GRIA4: variants seen among roughly 807,000 people sequenced by gnomAD.
GRIA4 encodes glutamate receptor 4.
A neutral mutation model predicts 104.0 loss-of-function variants in GRIA4; 34 were observed. The observed-to-expected ratio is 0.33, with a 90% confidence interval of 0.25 to 0.44. The LOEUF (loss-of-function observed/expected upper bound fraction) is 0.44, where lower values mean the gene tolerates loss of function less well. Ranked by LOEUF, GRIA4 falls within the 20% of genes least tolerant of loss-of-function variation. The pLI, the probability that GRIA4 is intolerant of heterozygous loss-of-function variation, is 1.00. For synonymous variants in GRIA4, 386 were observed against 381.9 expected, an observed-to-expected ratio of 1.01 and a Z score of -0.13; for missense variants, 750 against 1,096.5, an observed-to-expected ratio of 0.68 and a Z score of 4.46.
chr11:105,653,507 A>G (rs7114305), intron 3 of GRIA4, among the ~76,000 whole-genome samples: 78,835 of 152,048 alleles, frequency 0.52, 20,722 homozygotes, highest in Admixed American at 0.61. Context: ...TCACATGGCT[A>G]AGAATGGCAT....
intron 3 of GRIA4, among the ~76,000 whole-genome samples, chr11:105,737,371 C>T (rs996911770): frequency 6.6e-6 from 1 of 151,964 alleles, no homozygotes; most frequent in Non-Finnish European, 1.5e-5. Flanking sequence ...ATTGTTTTTA[C>T]ATGTGAATAT....
intron 3 of GRIA4, among the ~76,000 whole-genome samples, chr11:105,725,396 C>T (rs746646059): frequency 2.1e-4 from 32 of 152,092 alleles, no homozygotes; most frequent in Non-Finnish European, 3.8e-4. Context: ...GACACTCATG[C>T]CATTGCCTGG....
chr11:105,622,562 C>A (rs1419531606), intron 3 of GRIA4, among the ~76,000 whole-genome samples: 1 of 149,490 alleles, frequency 6.7e-6, no homozygotes, highest in East Asian at 2.0e-4. Flanking sequence ...CTTTTTTTTT[C>A]TTTCTTCTGA....
chr11:105,883,935 CCTTT>C (rs1478085657), intron 5 of GRIA4, among the ~76,000 whole-genome samples: 4 of 152,152 alleles, frequency 2.6e-5, no homozygotes, highest in African/African-American at 9.7e-5. Context: ...CTCTCCAGCA[CCTTT>C]ATGCAGCCAA....
At chr11:105,688,490 C>T (rs991831263) in intron 3 of GRIA4, among the ~76,000 whole-genome samples, 3 of 151,932 alleles carry the variant, frequency 2.0e-5, no homozygotes, top group Non-Finnish European at 2.9e-5. Flanking sequence ...GAACCTGGGG[C>T]ACGCGGAGCT....
chr11:105,788,346 C>T (rs1942066579), intron 4 of GRIA4, among the ~76,000 whole-genome samples: 1 of 151,252 alleles, frequency 6.6e-6, no homozygotes, highest in Non-Finnish European at 1.5e-5. Context: ...GGAGATTTCT[C>T]AAACAACTAA....
chr11:105,957,542 T>G (rs949426312), intron 14 of GRIA4, among the ~76,000 whole-genome samples: 1 of 152,156 alleles, frequency 6.6e-6, no homozygotes, highest in Non-Finnish European at 1.5e-5. Flanking sequence ...AGTCAGGTAG[T>G]GTGATGCCTC....
At chr11:105,915,471 G>C (rs780960942) in intron 10 of GRIA4, among the ~76,000 whole-genome samples, 3 of 152,154 alleles carry the variant, frequency 2.0e-5, no homozygotes, top group African/African-American at 7.2e-5. Flanking sequence ...CTTCAGAAGA[G>C]ATAACCTAGC....
intron 14 of GRIA4, among the ~76,000 whole-genome samples, chr11:105,970,588 A>G (rs1304962307): frequency 6.6e-6 from 1 of 152,174 alleles, no homozygotes; most frequent in Non-Finnish European, 1.5e-5. Context: ...TGCTCAGTAA[A>G]TTTTAGCTGT....
chr11:105,926,049 G>C (rs1747538789), intron 12 of GRIA4, among the ~76,000 whole-genome samples: 1 of 151,940 alleles, frequency 6.6e-6, no homozygotes, highest in Non-Finnish European at 1.5e-5. Context: ...AGTGTGTAAA[G>C]ATAACTTTGA....
At chr11:105,796,614 C>A (rs954135361) in intron 4 of GRIA4, among the ~76,000 whole-genome samples, 1 of 151,956 alleles carries the variant, frequency 6.6e-6, no homozygotes, top group African/African-American at 2.4e-5. Context: ...AACAAGTAGA[C>A]CATAGGTAGT....
chr11:105,829,937 C>A (rs1416121737), intron 4 of GRIA4, among the ~76,000 whole-genome samples: 1 of 151,872 alleles, frequency 6.6e-6, no homozygotes, highest in Non-Finnish European at 1.5e-5. Flanking sequence ...TAGAAGCCTG[C>A]AGAAAATTAT....
chr11:105,662,468 GAGA>G (rs1292326355), intron 3 of GRIA4, among the ~76,000 whole-genome samples: 1 of 151,840 alleles, frequency 6.6e-6, no homozygotes, highest in African/African-American at 2.4e-5. Flanking sequence ...CTTTGGTGGG[GAGA>G]AGGATAGGGT....
chr11:105,734,138 T>C (rs1391055134), intron 3 of GRIA4, among the ~76,000 whole-genome samples: 2 of 150,212 alleles, frequency 1.3e-5, no homozygotes, highest in African/African-American at 4.9e-5. Flanking sequence ...ACAGATCTAC[T>C]CAATTGGCAT....
chr11:105,971,779 C>A, intron 14 of GRIA4, 135 bp from the exon 15 acceptor site: 1 of 508,486 alleles, frequency 2.0e-6, no homozygotes. Flanking sequence ...GATTCTAAAC[C>A]TGGGCCTACA....
At chr11:105,742,716 T>C (rs1003216849) in intron 3 of GRIA4, among the ~76,000 whole-genome samples, 1 of 152,076 alleles carries the variant, frequency 6.6e-6, no homozygotes, top group African/African-American at 2.4e-5. Flanking sequence ...ATTTTATTGG[T>C]ATCTAACACA....
rs559646521 is a variant in GRIA4, at chr11:105,960,716, T to C, written c.2295-11198T>C. On this transcript the variant is annotated intron_variant, in intron 14 of 16. Transcript: ENST00000282499. Reference sequence around the variant, plus strand: ...GATTCCAGCTGAGAGGCTGTAAGAATCTGCATGTTCCAAGGTTGGGACGCT... The same window carrying C: ...GATTCCAGCTGAGAGGCTGTAAGAACCTGCATGTTCCAAGGTTGGGACGCT... Among the ~76,000 whole-genome samples, 71 of 152,296 alleles carry C rather than the reference T, an allele frequency of 4.7e-4. 3 individuals carry two copies. In the South Asian group the frequency reaches 0.014, roughly 31 times the overall value.
intron 4 of GRIA4, among the ~76,000 whole-genome samples, chr11:105,844,020 G>T (rs898812630): frequency 6.6e-6 from 1 of 152,134 alleles, no homozygotes; most frequent in African/African-American, 2.4e-5. Flanking sequence ...ACTGGCTCCT[G>T]CATCTTGGGT....
chr11:105,693,488 G>A (rs747374654), intron 3 of GRIA4, among the ~76,000 whole-genome samples: 2 of 152,124 alleles, frequency 1.3e-5, no homozygotes, highest in African/African-American at 2.4e-5. Flanking sequence ...CTTTAAAAAA[G>A]GGAATGTAAA....
Sources: gnomAD v4.1 joint callset for allele counts (sites outside exome capture counted in the v4.1 genomes callset) on GRCh38, gnomAD v4.1.1 for gene constraint, MANE v1.5 for transcripts, NCBI Gene and HGNC (gene_info 2026-07-23, HGNC 2026-07-21) for gene names.